NKAIN3: variants seen among roughly 807,000 people sequenced by gnomAD.
NKAIN3 encodes the protein sodium/potassium-transporting ATPase subunit beta-1-interacting protein 3.
In NKAIN3, 25 loss-of-function variants were observed where a neutral mutation model predicts 30.2. The ratio of observed to expected loss-of-function variants is 0.83; its 90% confidence interval spans 0.60 to 1.16. The LOEUF (loss-of-function observed/expected upper bound fraction) is 1.16, where lower values mean the gene tolerates loss of function less well. NKAIN3 is among the 50% of genes most tolerant of loss of function. The probability of loss-of-function intolerance (pLI) is 0.00; values close to 1 mark genes in which losing one functional copy is unlikely to be tolerated. For missense variants in NKAIN3, 225 were observed against 254.1 expected (o/e 0.89, Z 0.78); for synonymous variants, 91 against 89.6 (o/e 1.02, Z -0.09).
At chr8:62,906,132 G>A (rs1436992337) in intron 4 of NKAIN3, among the ~76,000 whole-genome samples, 2 of 152,166 alleles carry the variant, frequency 1.3e-5, no homozygotes, top group Admixed American at 1.3e-4. Flanking sequence ...GATAAATGGA[G>A]AAAAGAGATA....
chr8:62,870,286 CTATAGA>C (rs1193166999), intron 4 of NKAIN3, among the ~76,000 whole-genome samples: 1 of 81,430 alleles, frequency 1.2e-5, no homozygotes, highest in African/African-American at 5.1e-5. Flanking sequence ...ATATAAATAT[CTATAGA>C]TATATATACA....
chr8:62,319,985 C>T (rs1256101950), intron 1 of NKAIN3, among the ~76,000 whole-genome samples: 1 of 152,066 alleles, frequency 6.6e-6, no homozygotes. Context: ...TTGTAGGTCT[C>T]TAAGGACTTG....
chr8:62,778,082 G>A (rs1307255297), intron 4 of NKAIN3, among the ~76,000 whole-genome samples: 1 of 152,054 alleles, frequency 6.6e-6, no homozygotes, highest in African/African-American at 2.4e-5. Flanking sequence ...TGAGCTGCCT[G>A]GAGCTGGGGG....
At chr8:62,930,442 T>G (rs1307929713) in intron 5 of NKAIN3, among the ~76,000 whole-genome samples, 3 of 151,854 alleles carry the variant, frequency 2.0e-5, no homozygotes, top group Non-Finnish European at 4.4e-5. Context: ...TTAGTAGAGA[T>G]GGGGTTTCAC....
At chr8:62,691,111 T>A (rs1437852355) in intron 3 of NKAIN3, among the ~76,000 whole-genome samples, 1 of 152,202 alleles carries the variant, frequency 6.6e-6, no homozygotes, top group Non-Finnish European at 1.5e-5. Flanking sequence ...TTTTTCACAG[T>A]TTCAAGTACG....
intron 4 of NKAIN3, among the ~76,000 whole-genome samples, chr8:62,911,905 C>G (rs1388686458): frequency 2.0e-5 from 3 of 152,126 alleles, no homozygotes; most frequent in Non-Finnish European, 4.4e-5. Context: ...GGAACATTAG[C>G]TTGTAACAAT....
chr8:62,289,728 T>C, intron 1 of NKAIN3, among the ~76,000 whole-genome samples: 1 of 152,094 alleles, frequency 6.6e-6, no homozygotes, highest in Non-Finnish European at 1.5e-5. Context: ...CAATGTGGGC[T>C]ATTTTTGGTT....
In NKAIN3 at chr8:62,809,812, G is replaced by A. The variant is rs375239000; in HGVS notation, c.471+62683G>A. On this transcript the variant is annotated intron_variant, in intron 4 of 6. Transcript: ENST00000623646. ...CGTGGTGGTCAAGTAATTTACTTTT[G>A]ATCACACAGCTGAGAAACGGCATTT... is the stretch of plus-strand genomic sequence containing the variant. Among the ~76,000 whole-genome samples the A allele has an allele frequency of 4.6e-5, 7 of 152,258 alleles. No individual in the cohort carries two copies. In the East Asian group the frequency reaches 1.3e-3, roughly 29 times the overall value.
At chr8:62,801,205 AAGAC>A (rs1226992205) in intron 4 of NKAIN3, among the ~76,000 whole-genome samples, 1 of 152,154 alleles carries the variant, frequency 6.6e-6, no homozygotes, top group Admixed American at 6.5e-5. Flanking sequence ...GAAAAACAAA[AAGAC>A]AGCAGTAACC....
intron 4 of NKAIN3, among the ~76,000 whole-genome samples, chr8:62,810,950 A>T (rs888935654): frequency 1.3e-5 from 2 of 152,158 alleles, no homozygotes; most frequent in African/African-American, 2.4e-5. Context: ...GTACAATATT[A>T]CAACCAGGAT....
In NKAIN3 at chr8:62,358,131, C is replaced by T. The variant is rs139951430; in HGVS notation, c.54+109004C>T. ...TATCAAACCTAGGTAGTGTTCATATCTCAGGCATGCATATGGAGGAAAGGC... is the reference window on the plus strand; with the variant it reads ...TATCAAACCTAGGTAGTGTTCATATTTCAGGCATGCATATGGAGGAAAGGC... On this transcript the variant is annotated intron_variant, in intron 1 of 6. Transcript: ENST00000623646. Among the ~76,000 whole-genome samples the T allele has an allele frequency of 1.8e-3, 269 of 151,916 alleles. 3 individuals are homozygous for T. Among genetic ancestry groups the T allele is most frequent in the Middle Eastern group, 0.01 (3 of 292 alleles).
In NKAIN3 at chr8:62,309,518, T is replaced by C. The variant is rs970757669; in HGVS notation, c.54+60391T>C. Among the ~76,000 whole-genome samples the C allele has an allele frequency of 3.3e-5, 5 of 150,534 alleles. No homozygotes were observed. The East Asian group carries it at 9.6e-4, about 29-fold the overall frequency. On this transcript the variant is annotated intron_variant, in intron 1 of 6. Coordinates refer to ENST00000623646, the MANE Select transcript of NKAIN3 (RefSeq NM_001304533.3). ...AGGGCATGCATCATGAAGCTGATAG[T>C]TAACAGGTTCTAAGTTATATTTCAA...
intron 1 of NKAIN3, among the ~76,000 whole-genome samples, chr8:62,252,785 A>G (rs1387490699): frequency 6.6e-6 from 1 of 152,210 alleles, no homozygotes; most frequent in Non-Finnish European, 1.5e-5. Context: ...TGCTTGTTTT[A>G]TAATACTGTA....
chr8:62,806,845 T>A (rs1442413094), intron 4 of NKAIN3, among the ~76,000 whole-genome samples: 2 of 151,350 alleles, frequency 1.3e-5, no homozygotes, highest in Non-Finnish European at 2.9e-5. Context: ...TAAAATAAAA[T>A]AAAAACAATA....
At chr8:62,623,772 G>A (rs1030996247) in intron 3 of NKAIN3, among the ~76,000 whole-genome samples, 3 of 152,002 alleles carry the variant, frequency 2.0e-5, no homozygotes, top group Non-Finnish European at 2.9e-5. Context: ...TCTAGACCCC[G>A]AGAGAGGGAT....
rs556300975 is a variant in NKAIN3 at position 62,942,085 on chromosome 8, A to G, written c.533-11817A>G. Reference sequence around the variant, plus strand: ...TAAAGTTTCAGGATACAAAATTAATATACACAAATCAGTAGCAGTGCTGTA... The same window carrying G: ...TAAAGTTTCAGGATACAAAATTAATGTACACAAATCAGTAGCAGTGCTGTA... On this transcript the variant is annotated intron_variant, in intron 5 of 6. Transcript: ENST00000623646. Among the ~76,000 whole-genome samples the G allele has an allele frequency of 2.0e-3, 297 of 151,770 alleles. 2 individuals are homozygous for G. Among genetic ancestry groups the G allele is most frequent in the African/African-American group, 4.1e-3 (169 of 41,444 alleles).
chr8:62,277,812 A>C (rs369685787), intron 1 of NKAIN3, among the ~76,000 whole-genome samples: 1 of 152,178 alleles, frequency 6.6e-6, no homozygotes, highest in African/African-American at 2.4e-5. Flanking sequence ...GGTTTTGAAT[A>C]TACTCTTTTG....
At chr8:62,939,586 T>TG (rs1476073352) in intron 5 of NKAIN3, among the ~76,000 whole-genome samples, 1 of 152,090 alleles carries the variant, frequency 6.6e-6, no homozygotes, top group African/African-American at 2.4e-5. Flanking sequence ...TAGAAGGAAG[T>TG]GGGGTCCTAT....
At chr8:62,851,589 G>A (rs1327945825) in intron 4 of NKAIN3, among the ~76,000 whole-genome samples, 3 of 152,124 alleles carry the variant, frequency 2.0e-5, no homozygotes, top group Admixed American at 6.5e-5. Flanking sequence ...TATTGGCTGT[G>A]GGTTTGTCAT....
Sources: allele counts gnomAD v4.1 joint callset (sites outside exome capture counted in the v4.1 genomes callset), GRCh38; gene constraint gnomAD v4.1.1; transcripts MANE v1.5; gene names NCBI Gene and HGNC (gene_info 2026-07-23, HGNC 2026-07-21).